CNTN1: variants seen among roughly 807,000 people sequenced by gnomAD.
CNTN1 encodes contactin 1, also known as contactin-1.
CNTN1 carries 38 observed loss-of-function variants against 126.4 expected under a neutral mutation model. The observed-to-expected ratio is 0.30, with a 90% confidence interval of 0.23 to 0.39. The LOEUF is 0.39. Ranked by LOEUF, CNTN1 falls within the 10% of genes least tolerant of loss-of-function variation. CNTN1 has a pLI of 1.00. For missense variants in CNTN1, 1,009 were observed against 1,248.4 expected, an observed-to-expected ratio of 0.81 and a Z score of 2.89; for synonymous variants, 413 against 422.6, an observed-to-expected ratio of 0.98 and a Z score of 0.28.
chr12:40,774,148 T>A (rs559016660), intron 1 of CNTN1, among the ~76,000 whole-genome samples: 46 of 151,568 alleles, frequency 3.0e-4, no homozygotes, highest in Non-Finnish European at 5.9e-4. Flanking sequence ...AATAACTTGG[T>A]TGATATAGGT....
Position 40,973,334 on chromosome 12 carries a change from T to C in CNTN1, c.1805-7575T>C, listed in dbSNP as rs370396915. ...ATTGGAGCCATTGTCTTAGATAATT[T>C]TCAAGGCAAGAACAAGCCTGCAATA... On this transcript the variant is annotated intron_variant, in intron 15 of 23. Coordinates refer to ENST00000551295, the MANE Select transcript of CNTN1 (RefSeq NM_001843.4). Among the ~76,000 whole-genome samples the C allele has an allele frequency of 1.7e-3, 256 of 152,234 alleles. 3 individuals are homozygous for C. Among genetic ancestry groups the C allele is most frequent in the African/African-American group, 5.3e-3 (221 of 41,578 alleles).
Position 41,023,044 on chromosome 12 carries a change from C to T in CNTN1, c.2524-2106C>T, listed in dbSNP as rs574979008. 3.9e-5 allele frequency among the ~76,000 whole-genome samples: 6 copies of T among 152,136 alleles called. No individual in the cohort carries two copies. In the South Asian group the frequency reaches 1.2e-3, roughly 32 times the overall value. The stretch of plus-strand genomic sequence containing the variant: ...CCGGTAGGGGGGAGGGGGGTCTTGA[C>T]TGACTATAATGTGGTTATTGTTTCC... On this transcript the variant is annotated intron_variant, in intron 20 of 23. Coordinates refer to ENST00000551295, the MANE Select transcript of CNTN1 (RefSeq NM_001843.4).
intron 18 of CNTN1, 69 bp downstream of exon 18, chr12:41,014,367 T>G (rs573678280): frequency 1.3e-4 from 201 of 1,510,696 alleles, no homozygotes; most frequent in Non-Finnish European, 1.8e-4. Flanking sequence ...CCATTTTGTT[T>G]CCTGAAATAA....
At chr12:40,831,591 A>G (rs1592135864) in intron 1 of CNTN1, among the ~76,000 whole-genome samples, 1 of 152,170 alleles carries the variant, frequency 6.6e-6, no homozygotes, top group East Asian at 1.9e-4. Context: ...TCTTTCAGAT[A>G]TGCTCTTAAG....
intron 23 of CNTN1, among the ~76,000 whole-genome samples, chr12:41,062,806 T>A (rs1414022918): frequency 6.6e-6 from 1 of 152,240 alleles, no homozygotes; most frequent in Non-Finnish European, 1.5e-5. Flanking sequence ...CTTTTAATGT[T>A]TGTTTTTATA....
chr12:40,806,414 T>C (rs1210238117), intron 1 of CNTN1, among the ~76,000 whole-genome samples: 1 of 152,142 alleles, frequency 6.6e-6, no homozygotes. Context: ...TGTGTCTCTT[T>C]GTTCTGTGGT....
intron 1 of CNTN1, among the ~76,000 whole-genome samples, chr12:40,707,227 CTTTTTTTTTT>C (rs370984371): frequency 6.0e-4 from 65 of 109,180 alleles, no homozygotes; most frequent in Non-Finnish European, 9.5e-4. Context: ...TTTTCTTTTT[CTTTTTTTTTT>C]TTTTTTTTTT....
At chr12:40,825,764 C>T (rs10879252) in intron 1 of CNTN1, among the ~76,000 whole-genome samples, 132,050 of 151,916 alleles carry the variant, frequency 0.87, 57,910 homozygotes, top group East Asian at 0.98. Context: ...TCCACAGTGT[C>T]CCTTGTGCCA....
intron 17 of CNTN1, among the ~76,000 whole-genome samples, chr12:41,006,386 C>G (rs1392815297): frequency 6.6e-6 from 1 of 152,182 alleles, no homozygotes; most frequent in Non-Finnish European, 1.5e-5. Context: ...AGAGGCAACA[C>G]AGCTGGCAGG....
chr12:41,026,519 T>C (rs1471325821), intron 21 of CNTN1, among the ~76,000 whole-genome samples: 1 of 152,202 alleles, frequency 6.6e-6, no homozygotes, highest in Non-Finnish European at 1.5e-5. Flanking sequence ...GAACCCACTA[T>C]GTGAATAGCT....
intron 1 of CNTN1, among the ~76,000 whole-genome samples, chr12:40,896,739 G>A (rs551294376): frequency 4.6e-4 from 70 of 152,108 alleles, no homozygotes; most frequent in Non-Finnish European, 9.3e-4. Flanking sequence ...ACTGGAAGTG[G>A]CCTTGCATTT....
intron 1 of CNTN1, among the ~76,000 whole-genome samples, chr12:40,886,581 A>G (rs569341119): frequency 2.6e-5 from 4 of 152,164 alleles, no homozygotes; most frequent in African/African-American, 9.6e-5. Flanking sequence ...ATTAGATCCC[A>G]TTTGTCAATT....
Position 40,944,144 on chromosome 12 carries a change from A to G in CNTN1, c.1657A>G (p.Asn553Asp). The G allele has an allele frequency of 6.2e-7, 1 of 1,613,334 alleles. No individual in the cohort carries two copies. Among genetic ancestry groups the G allele is most frequent in the Non-Finnish European group, 8.5e-7 (1 of 1,179,480 alleles). The change falls in exon 14 of 24, where the codon AAT (asparagine) becomes GAT (aspartate). Residue 553 changes from asparagine to aspartate, a missense_variant. By Grantham distance (23) the Asn-to-Asp change is conservative. Coordinates refer to ENST00000551295, the MANE Select transcript of CNTN1 (RefSeq NM_001843.4). ...NGYVIDFNKE[N>D]IHYQRNFMLD... Reference sequence around the variant, plus strand: ...CTATGTGATCGATTTTAACAAAGAGAATATTCACTACCAGAGGAATTTTAT... The same window carrying G: ...CTATGTGATCGATTTTAACAAAGAGGATATTCACTACCAGAGGAATTTTAT...
chr12:40,731,979 G>A (rs1315346205), intron 1 of CNTN1, among the ~76,000 whole-genome samples: 1 of 151,896 alleles, frequency 6.6e-6, no homozygotes, highest in Non-Finnish European at 1.5e-5. Flanking sequence ...TGGGGAACAG[G>A]CATTTGGTTT....
chr12:40,744,822 A>T (rs1938113321), intron 1 of CNTN1, among the ~76,000 whole-genome samples: 1 of 152,104 alleles, frequency 6.6e-6, no homozygotes, highest in Non-Finnish European at 1.5e-5. Context: ...TTGGTGCAAG[A>T]ACTTCTCATG....
At chr12:40,937,782 G>T in intron 11 of CNTN1, 95 bp downstream of exon 11, 1 of 796,668 alleles carries the variant, frequency 1.3e-6, no homozygotes. Context: ...ACCCAGTATT[G>T]TGTTAGGTGT....
intron 1 of CNTN1, among the ~76,000 whole-genome samples, chr12:40,812,509 C>T (rs1941103106): frequency 1.3e-5 from 2 of 152,004 alleles, no homozygotes; most frequent in Admixed American, 1.3e-4. Context: ...GGTATTGAAG[C>T]CCCTAATACT....
intron 17 of CNTN1, among the ~76,000 whole-genome samples, chr12:40,995,847 C>T (rs1948200036): frequency 6.6e-6 from 1 of 152,214 alleles, no homozygotes; most frequent in African/African-American, 2.4e-5. Context: ...ATAGTTTACA[C>T]ATTTGCAGTA....
intron 17 of CNTN1, among the ~76,000 whole-genome samples, chr12:40,993,496 A>C (rs1948140769): frequency 6.6e-6 from 1 of 152,136 alleles, no homozygotes; most frequent in Admixed American, 6.6e-5. Flanking sequence ...GAAGTTTAAG[A>C]ATATATTAAT....
Sources: allele counts gnomAD v4.1 joint callset (sites outside exome capture counted in the v4.1 genomes callset), GRCh38; gene constraint gnomAD v4.1.1; transcripts MANE v1.5; gene names NCBI Gene and HGNC (gene_info 2026-07-23, HGNC 2026-07-21).